Variants in PITPNC1 observed in about 807,000 individuals in gnomAD.
PITPNC1 encodes phosphatidylinositol transfer protein cytoplasmic 1.
A neutral mutation model predicts 44.7 loss-of-function variants in PITPNC1; 18 were observed. The ratio of observed to expected loss-of-function variants is 0.40; its 90% CI spans 0.28 to 0.60. The LOEUF is 0.60. Ranked by LOEUF, PITPNC1 falls within the 20% of genes least tolerant of loss-of-function variation. The pLI is 0.39. For missense variants in PITPNC1, 290 were observed against 418.4 expected, an observed-to-expected ratio of 0.69 and a Z score of 2.68; for synonymous variants, 141 against 149.6, an observed-to-expected ratio of 0.94 and a Z score of 0.42.
At chr17:67,482,578 C>G (rs956176016) in intron 1 of PITPNC1, among the ~76,000 whole-genome samples, 13 of 152,274 alleles carry the variant, frequency 8.5e-5, no homozygotes, top group Admixed American at 7.2e-4. Flanking sequence ...TTAACCTACC[C>G]TGAATGTAGT....
intron 1 of PITPNC1, among the ~76,000 whole-genome samples, chr17:67,462,891 G>A (rs928655837): frequency 2.0e-5 from 3 of 152,072 alleles, no homozygotes; most frequent in African/African-American, 4.8e-5. Flanking sequence ...TAGTAGAGGC[G>A]GGGTTTCTGC....
chr17:67,461,558 G>T (rs1228951018), intron 1 of PITPNC1, among the ~76,000 whole-genome samples: 2 of 152,220 alleles, frequency 1.3e-5, no homozygotes, highest in Admixed American at 6.5e-5. Context: ...CAACCACAGT[G>T]CAGTCTGGTG....
chr17:67,672,340 A>G (rs1292184058), intron 7 of PITPNC1, among the ~76,000 whole-genome samples: 9 of 151,988 alleles, frequency 5.9e-5, no homozygotes, highest in African/African-American at 2.2e-4. Flanking sequence ...TCACACCTGT[A>G]ATCCCAGCAC....
In PITPNC1 at chr17:67,538,489, G is replaced by A. The variant is rs191911722; in HGVS notation, c.197+5539G>A. On this transcript the variant is annotated intron_variant, in intron 2 of 8. Coordinates refer to ENST00000581322, the MANE Select transcript of PITPNC1 (RefSeq NM_012417.4). ...GTGGCACACAGCTGTGGTCCCAGCT[G>A]TTCAGGAGGCTGAAGTGGGAGGATT... Among the ~76,000 whole-genome samples the A allele has an allele frequency of 7.6e-4, 116 of 152,252 alleles. 1 individual carries two copies. In the East Asian group the frequency reaches 0.021, roughly 28 times the overall value.
intron 6 of PITPNC1, among the ~76,000 whole-genome samples, chr17:67,654,265 C>G (rs142671408): frequency 7.0e-4 from 107 of 152,330 alleles, no homozygotes; most frequent in African/African-American, 2.5e-3. Flanking sequence ...CTTACGGACA[C>G]TGGCATGTGA....
chr17:67,428,349 G>A (rs1349547343), intron 1 of PITPNC1, among the ~76,000 whole-genome samples: 1 of 151,540 alleles, frequency 6.6e-6, no homozygotes, highest in African/African-American at 2.4e-5. Flanking sequence ...GACCAACTTG[G>A]GCAACATAAT....
chr17:67,392,794 G>A (rs1471579654), intron 1 of PITPNC1, among the ~76,000 whole-genome samples: 2 of 152,018 alleles, frequency 1.3e-5, no homozygotes, highest in African/African-American at 4.8e-5. Context: ...ATCCTGGTGA[G>A]TTTTTTATTA....
chr17:67,378,111 G>A lies in PITPNC1; in HGVS notation c.-44G>A. 2.1e-6 allele frequency: 3 copies of A among 1,445,364 alleles called. No individual in the cohort carries two copies. The highest frequency in any genetic ancestry group is 2.8e-6 in the Non-Finnish European group (3 of 1,072,062). The allele number at this position is 1,445,364 out of a possible 1,614,324, so 89.5% of individuals were successfully genotyped here. ...GGCAGCAGCCTTGCTGGTCTTGGGG[G>A]CGCCCCCCGCTTCCCGCCCCGGGGG... On this transcript the variant is annotated 5_prime_UTR_variant, in exon 1 of 9. Coordinates refer to ENST00000581322, the MANE Select transcript of PITPNC1 (RefSeq NM_012417.4).
At chr17:67,476,402 G>C (rs894216163) in intron 1 of PITPNC1, among the ~76,000 whole-genome samples, 2 of 151,948 alleles carry the variant, frequency 1.3e-5, no homozygotes, top group African/African-American at 4.8e-5. Flanking sequence ...GGCCAGGCTG[G>C]TCTTGAACTC....
At chr17:67,396,855 A>T (rs918850806) in intron 1 of PITPNC1, among the ~76,000 whole-genome samples, 1 of 151,194 alleles carries the variant, frequency 6.6e-6, no homozygotes, top group Non-Finnish European at 1.5e-5. Flanking sequence ...GGGTCTTGCT[A>T]TGTTGCCCAG....
chr17:67,530,507 C>CCTA (rs1411293132), intron 1 of PITPNC1, among the ~76,000 whole-genome samples: 16 of 152,218 alleles, frequency 1.1e-4, no homozygotes, highest in African/African-American at 3.9e-4. Flanking sequence ...TGGATAAGGG[C>CCTA]CTACCCTAAT....
chr17:67,573,870 T>A (rs62084142), intron 4 of PITPNC1, among the ~76,000 whole-genome samples: 1 of 152,120 alleles, frequency 6.6e-6, no homozygotes, highest in Non-Finnish European at 1.5e-5. Flanking sequence ...TACTGACTAC[T>A]CTTTTAATAA....
At chr17:67,675,440 A>T (rs2042584831) in intron 7 of PITPNC1, 39 bp from the exon 8 acceptor site, 1 of 1,367,664 alleles carries the variant, frequency 7.3e-7, no homozygotes, top group East Asian at 2.3e-5. Context: ...GTTTTCATCA[A>T]AGATGCTATT....
intron 5 of PITPNC1, among the ~76,000 whole-genome samples, chr17:67,601,016 A>T (rs928814874): frequency 2.6e-5 from 4 of 152,052 alleles, no homozygotes; most frequent in Admixed American, 2.6e-4. Context: ...TATCCCTTGG[A>T]TAAGAGTAAT....
At chr17:67,619,612 A>C (rs2041804561) in intron 5 of PITPNC1, among the ~76,000 whole-genome samples, 1 of 152,150 alleles carries the variant, frequency 6.6e-6, no homozygotes, top group South Asian at 2.1e-4. Flanking sequence ...CAACATGCAC[A>C]GTGCCCGCAG....
chr17:67,474,787 T>C (rs1375601770), intron 1 of PITPNC1, among the ~76,000 whole-genome samples: 1 of 151,752 alleles, frequency 6.6e-6, no homozygotes, highest in African/African-American at 2.4e-5. Flanking sequence ...CCTGAGAAGC[T>C]AGGACTGCAG....
chr17:67,382,726 G>A (rs571527211), intron 1 of PITPNC1, among the ~76,000 whole-genome samples: 2 of 152,052 alleles, frequency 1.3e-5, no homozygotes, highest in Non-Finnish European at 2.9e-5. Context: ...CCGGTTTCAA[G>A]CAAGTCTCCT....
chr17:67,512,278 C>G (rs2040194736), intron 1 of PITPNC1, among the ~76,000 whole-genome samples: 1 of 152,180 alleles, frequency 6.6e-6, no homozygotes, highest in African/African-American at 2.4e-5. Context: ...GCGGGCGGAT[C>G]ATTTGAGGTC....
At chr17:67,472,651 GAA>G (rs780986823) in intron 1 of PITPNC1, among the ~76,000 whole-genome samples, 36 of 99,312 alleles carry the variant, frequency 3.6e-4, no homozygotes, top group African/African-American at 9.9e-4. Flanking sequence ...TGTCTCAAAA[GAA>G]AAAAAAAAAA....
Sources: allele counts gnomAD v4.1 joint callset (sites outside exome capture counted in the v4.1 genomes callset), GRCh38; gene constraint gnomAD v4.1.1; transcripts MANE v1.5; gene names NCBI Gene and HGNC (gene_info 2026-07-23, HGNC 2026-07-21).